The following CTXND1 variants were observed in gnomAD, a reference collection of about 807,000 sequenced individuals.
CTXND1 encodes the protein cortexin domain-containing 1 protein.
chr15:80,204,627 G>A (rs1893127194), intron 1 of CTXND1, among the ~76,000 whole-genome samples: 1 of 131,462 alleles, frequency 7.6e-6, no homozygotes, highest in East Asian at 2.3e-4. Context: ...TTTTTTTTAA[G>A]GTCCGAATAA....
intron 1 of CTXND1, among the ~76,000 whole-genome samples, chr15:80,205,258 A>G (rs1181508813): frequency 1.3e-5 from 2 of 152,224 alleles, no homozygotes; most frequent in Admixed American, 1.3e-4. Flanking sequence ...TCTATCAGTT[A>G]GACAGAATTT....
intron 1 of CTXND1, among the ~76,000 whole-genome samples, chr15:80,244,136 T>G (rs1350528659): frequency 1.3e-5 from 2 of 152,246 alleles, no homozygotes; most frequent in Admixed American, 6.5e-5. Flanking sequence ...AAGCCATTGT[T>G]ATTACCTTTC....
rs1483223760 is a variant in CTXND1, at chr15:80,196,633, A to C, written c.*5137T>G. ...ACAATATGGCTGCTGGTGAGATTTT[A>C]TGTTTCCCCTGTGCCGGGGACAAAA... On this transcript the variant is annotated 3_prime_UTR_variant, in exon 3 of 3. Transcript: ENST00000560778. 2 of 152,206 alleles carry C rather than the reference A, an allele frequency of 1.3e-5. No individual in the cohort carries two copies. Among genetic ancestry groups the C allele is most frequent in the East Asian group, 3.8e-4 (2 of 5,202 alleles). 9.4% of individuals were successfully genotyped at this position (152,206 alleles called of 1,614,324 possible). A position where few individuals can be genotyped will look rare whatever the true frequency, so the allele number is the denominator to read the frequency against.
intron 1 of CTXND1, among the ~76,000 whole-genome samples, chr15:80,245,148 G>C (rs1893614444): frequency 6.6e-6 from 1 of 152,148 alleles, no homozygotes; most frequent in Non-Finnish European, 1.5e-5. Context: ...ACTAACACCA[G>C]CGGCTATCGT....
At chr15:80,202,319 G>A (rs1292756736) in intron 2 of CTXND1, among the ~76,000 whole-genome samples, 1 of 152,070 alleles carries the variant, frequency 6.6e-6, no homozygotes, top group African/African-American at 2.4e-5. Context: ...GGGTTGGGTG[G>A]GGATAGAGGC....
At chr15:80,238,956 C>G (rs1238897711) in intron 1 of CTXND1, among the ~76,000 whole-genome samples, 1 of 152,252 alleles carries the variant, frequency 6.6e-6, no homozygotes, top group Non-Finnish European at 1.5e-5. Flanking sequence ...ATAAGAACGA[C>G]ATCCCCTAAG....
At chr15:80,211,333 C>A (rs1278258017) in intron 1 of CTXND1, among the ~76,000 whole-genome samples, 1 of 152,216 alleles carries the variant, frequency 6.6e-6, no homozygotes, top group Non-Finnish European at 1.5e-5. Context: ...TGACCATGTG[C>A]AATCATCAGC....
At chr15:80,222,597 T>C (rs1232925127) in intron 1 of CTXND1, among the ~76,000 whole-genome samples, 3 of 152,214 alleles carry the variant, frequency 2.0e-5, no homozygotes, top group African/African-American at 7.2e-5. Context: ...TTATCTCTTT[T>C]AATTGTTATT....
intron 1 of CTXND1, among the ~76,000 whole-genome samples, chr15:80,213,414 A>T (rs1463746817): frequency 6.6e-6 from 1 of 152,098 alleles, no homozygotes; most frequent in Non-Finnish European, 1.5e-5. Flanking sequence ...GACCGTGCAG[A>T]TGTGATTAAG....
chr15:80,238,553 C>T lies in CTXND1; in HGVS notation c.-218+13454G>A, dbSNP rs570575586. ...AGGCTGGAGTGCAGTGGCGATTTCT[C>T]GGCTCACTGCAAGCTCCACCTCCCA... On this transcript the variant is annotated intron_variant, in intron 1 of 2. Transcript: ENST00000560778. Among the ~76,000 whole-genome samples the T allele has an allele frequency of 1.8e-3, 267 of 149,036 alleles. 1 individual carries two copies. Among genetic ancestry groups the T allele is most frequent in the Non-Finnish European group, 3.2e-3 (219 of 67,606 alleles).
At chr15:80,238,065 T>C (rs995223822) in intron 1 of CTXND1, among the ~76,000 whole-genome samples, 29 of 145,220 alleles carry the variant, frequency 2.0e-4, no homozygotes, top group South Asian at 8.7e-4. Flanking sequence ...CAAAACACTA[T>C]AGTAAGCTGT....
intron 1 of CTXND1, among the ~76,000 whole-genome samples, chr15:80,232,129 A>G (rs1893438680): frequency 6.6e-6 from 1 of 152,134 alleles, no homozygotes; most frequent in African/African-American, 2.4e-5. Context: ...GACTGTGACA[A>G]GCCTGGAATG....
chr15:80,221,258 G>A (rs1272945106), intron 1 of CTXND1, among the ~76,000 whole-genome samples: 1 of 152,100 alleles, frequency 6.6e-6, no homozygotes, highest in Non-Finnish European at 1.5e-5. Flanking sequence ...AAATCATAAT[G>A]CCCGCCAAGA....
At position 80,200,940 on chromosome 15, in the gene CTXND1, A is replaced by G. The variant is rs1472731223; in HGVS notation, c.*830T>C. 2 of 152,232 alleles carry G rather than the reference A, an allele frequency of 1.3e-5. No homozygotes were observed. The highest frequency in any genetic ancestry group is 6.5e-5 in the Admixed American group (1 of 15,280). The allele number at this position is 152,232 out of a possible 1,614,324, so 9.4% of individuals were successfully genotyped here. ...CCTTCGGTCACTAAAACTGGCAGCT[A>G]AGAAGAGTGTTTGATGTAATGGGGA... On this transcript the variant is annotated 3_prime_UTR_variant, in exon 3 of 3. Coordinates refer to ENST00000560778, the MANE Select transcript of CTXND1 (RefSeq NM_001352888.2).
intron 1 of CTXND1, among the ~76,000 whole-genome samples, chr15:80,243,375 C>T (rs998144953): frequency 2.6e-5 from 4 of 152,200 alleles, no homozygotes; most frequent in Non-Finnish European, 5.9e-5. Flanking sequence ...CCAGTTGTCA[C>T]CTTAGCATAT....
rs932220076 is a variant in CTXND1, at chr15:80,201,689, G to A, written c.*81C>T. The A allele has an allele frequency of 2.5e-6, 1 of 398,070 alleles. No individual in the cohort carries two copies. Among genetic ancestry groups the A allele is most frequent in the East Asian group, 3.6e-5 (1 of 28,082 alleles). The allele number at this position is 398,070 out of a possible 1,614,324, so 24.7% of individuals were successfully genotyped here. On this transcript the variant is annotated 3_prime_UTR_variant, in exon 3 of 3. Transcript: ENST00000560778. ...CATTCCTTGCCTCTGTGGGATGGCA[G>A]GCTGGCAGGGAACACACGGATGCAT... is the stretch of plus-strand genomic sequence containing the variant.
intron 1 of CTXND1, among the ~76,000 whole-genome samples, chr15:80,241,200 G>T (rs1296883819): frequency 6.6e-6 from 1 of 152,154 alleles, no homozygotes; most frequent in Non-Finnish European, 1.5e-5. Context: ...AAACAGAAAA[G>T]CCCCATGTGT....
intron 2 of CTXND1, among the ~76,000 whole-genome samples, chr15:80,202,632 T>A (rs1414967090): frequency 1.3e-5 from 2 of 152,062 alleles, no homozygotes; most frequent in Non-Finnish European, 2.9e-5. Context: ...TTTGAAAGCA[T>A]AAGAACCTAG....
In CTXND1 at chr15:80,244,804, C is replaced by A. The variant is rs968337444; in HGVS notation, c.-218+7203G>T. ...CCACAGAGAAGGGCAAGTTCAGCCC[C>A]CTAACACCGTCGGCACCTTAAACCA... is the stretch of plus-strand genomic sequence containing the variant. On this transcript the variant is annotated intron_variant, in intron 1 of 2. Coordinates refer to ENST00000560778, the MANE Select transcript of CTXND1 (RefSeq NM_001352888.2). Among the ~76,000 whole-genome samples, 6 of 152,166 alleles carry A rather than the reference C, an allele frequency of 3.9e-5. No individual in the cohort carries two copies. In the South Asian group the frequency reaches 1.2e-3, roughly 32 times the overall value.
Sources: allele counts gnomAD v4.1 joint callset (sites outside exome capture counted in the v4.1 genomes callset), GRCh38; gene constraint gnomAD v4.1.1; transcripts MANE v1.5; gene names NCBI Gene and HGNC (gene_info 2026-07-23, HGNC 2026-07-21).